The following REXO1 variants were observed in gnomAD, a reference collection of about 807,000 sequenced individuals.
The protein encoded by REXO1 is RNA exonuclease 1 homolog.
In REXO1, 42 loss-of-function variants were observed where a neutral mutation model predicts 102.6. The ratio of observed to expected loss-of-function variants is 0.41; its 90% CI spans 0.32 to 0.53. The LOEUF (loss-of-function observed/expected upper bound fraction) is 0.53, where lower values mean the gene tolerates loss of function less well. Among genes scored for constraint, REXO1 ranks in the 20% least tolerant of loss-of-function variants. The pLI is 0.27. For synonymous variants in REXO1, 908 were observed against 779.1 expected (o/e 1.17, Z -2.76); for missense variants, 1,819 against 1,732.5 (o/e 1.05, Z -0.89).
chr19:1,816,957 G>A, intron 12 of REXO1, 144 bp from the exon 13 acceptor site: 1 of 730,782 alleles, frequency 1.4e-6, no homozygotes, highest in Non-Finnish European at 2.3e-6. Flanking sequence ...GGCCGAGTGG[G>A]GTGTGACCTC....
At chr19:1,824,640 T>C (rs1336863381) in intron 3 of REXO1, 1 of 152,144 alleles carries the variant, frequency 6.6e-6, no homozygotes, top group African/African-American at 2.4e-5. Context: ...TCTGCTAAAA[T>C]TGAAGCAAAT....
chr19:1,832,566 TA>T (rs1193570910), intron 1 of REXO1, among the ~76,000 whole-genome samples: 7 of 152,130 alleles, frequency 4.6e-5, no homozygotes, highest in Non-Finnish European at 8.8e-5. Context: ...TGCCCATCTT[TA>T]AAATTACATT....
Position 1,815,541 on chromosome 19 carries a change from C to A in REXO1, c.*525G>T, listed in dbSNP as rs1238980731. ...CTGCGCTGAGTGTGGCCCTGGCCCC[C>A]ACTGGGGTCTGTCCCACCCCCACCC... is the stretch of plus-strand genomic sequence containing the variant. On this transcript the variant is annotated 3_prime_UTR_variant, in exon 16 of 16. Transcript: ENST00000170168. This position sits in a 1 kb window ranked among gnomAD's most constrained non-coding sequence, Gnocchi z 4.0. 1 of 447,102 alleles carries A rather than the reference C, an allele frequency of 2.2e-6. No homozygotes were observed. Among genetic ancestry groups the A allele is most frequent in the Non-Finnish European group, 3.4e-6 (1 of 295,366 alleles). 27.7% of individuals were successfully genotyped at this position (447,102 alleles called of 1,614,324 possible).
intron 10 of REXO1, among the ~76,000 whole-genome samples, chr19:1,818,151 G>A (rs983055614): frequency 2.0e-5 from 3 of 152,216 alleles, no homozygotes; most frequent in Non-Finnish European, 4.4e-5. Context: ...ACCAGGCCAA[G>A]GGTGGGACAA....
rs1416004314 is a variant in REXO1 at position 1,815,943 on chromosome 19, G to A, written c.*123C>T. On this transcript the variant is annotated 3_prime_UTR_variant, in exon 16 of 16. Coordinates refer to ENST00000170168, the MANE Select transcript of REXO1 (RefSeq NM_020695.4). This position sits in a 1 kb window ranked among gnomAD's most constrained non-coding sequence, Gnocchi z 4.0. ...CGTTCTCTGGCCGCCAGCTCATCCC[G>A]CTGCTCTGGGCTGCCTCGGCCAGGT... 1.1e-5 allele frequency: 17 copies of A among 1,535,082 alleles called. No homozygotes were observed. Among genetic ancestry groups the A allele is most frequent in the Non-Finnish European group, 1.5e-5 (17 of 1,146,484 alleles).
intron 1 of REXO1, among the ~76,000 whole-genome samples, chr19:1,842,078 G>T (rs192581720): frequency 1.9e-3 from 292 of 152,270 alleles, no homozygotes; most frequent in African/African-American, 4.5e-3. Flanking sequence ...AGGCGTGGTA[G>T]CAGGTGCCTG....
intron 1 of REXO1, among the ~76,000 whole-genome samples, chr19:1,845,213 G>T (rs950166991): frequency 6.6e-6 from 1 of 152,212 alleles, no homozygotes; most frequent in African/African-American, 2.4e-5. Context: ...GCCACTGGGG[G>T]GATAGTAACG....
At chr19:1,825,991 C>T (rs1454791647) in intron 2 of REXO1, 48 bp from the exon 3 acceptor site, 1 of 1,359,660 alleles carries the variant, frequency 7.4e-7, no homozygotes, top group East Asian at 2.3e-5. Flanking sequence ...TCGCTGCCAA[C>T]ACCAACACAC....
intron 1 of REXO1, chr19:1,830,855 G>C (rs1398812552): frequency 1.3e-5 from 2 of 155,980 alleles, no homozygotes; most frequent in Admixed American, 1.3e-4. Context: ...GATGCGTCTG[G>C]TGCAGCCTTC....
chr19:1,837,597 C>A (rs1016554694), intron 1 of REXO1, among the ~76,000 whole-genome samples: 2 of 152,228 alleles, frequency 1.3e-5, no homozygotes, highest in African/African-American at 2.4e-5. Flanking sequence ...CCCCACCCCC[C>A]ACACCAGACT....
chr19:1,827,418 C>T lies in REXO1; in HGVS notation c.1371G>A (p.Arg457=), dbSNP rs1447995803. 1 of 1,546,026 alleles carries T rather than the reference C, an allele frequency of 6.5e-7. No individual in the cohort carries two copies. The highest frequency in any genetic ancestry group is 8.6e-7 in the Non-Finnish European group (1 of 1,156,510). ...GKGRPDRPAR[R]PSPTSGDSRP... ...GGGAGTCCCCGCTTGTGGGGCTCGG[C>T]CGCCGCGCTGGCCGGTCAGGCCTCC... Residue 457 remains arginine, a synonymous_variant, in exon 2 of 16, where the codon CGG becomes CGA. Transcript: ENST00000170168.
intron 1 of REXO1, among the ~76,000 whole-genome samples, chr19:1,837,807 G>A (rs1019706176): frequency 5.3e-5 from 8 of 152,228 alleles, no homozygotes; most frequent in African/African-American, 1.7e-4. Context: ...GGAGCCACAC[G>A]GCAGGGTCCA....
At position 1,827,175 on chromosome 19, in the gene REXO1, C is replaced by T. The variant is rs2069755845; in HGVS notation, c.1614G>A (p.Val538=). The change falls in exon 2 of 16, where the codon GTG becomes GTA. Residue 538 remains valine, a synonymous_variant. Transcript: ENST00000170168. ...TGAGGCTGGGGAGGGCAGAGGGCCA[C>T]ACGCTCGGCACCCCTGGCCCTGCGG... ...DEAAGPGVPS[V]WPSALPSLSS... The T allele has an allele frequency of 3.9e-6, 6 of 1,541,140 alleles. No homozygotes were observed. The highest frequency in any genetic ancestry group is 5.2e-6 in the Non-Finnish European group (6 of 1,146,578).
chr19:1,817,385 GGCAGCA>G, intron 11 of REXO1, 56 bp from the exon 12 acceptor site: 1 of 1,598,782 alleles, frequency 6.3e-7, no homozygotes, highest in Non-Finnish European at 8.5e-7. Flanking sequence ...GGGCGGGGGT[GGCAGCA>G]GCAGCACATC....
At chr19:1,842,295 A>C (rs2011321649) in intron 1 of REXO1, among the ~76,000 whole-genome samples, 1 of 151,566 alleles carries the variant, frequency 6.6e-6, no homozygotes, top group Admixed American at 6.6e-5. Flanking sequence ...CCTCATCCTC[A>C]GGACTACTGC....
chr19:1,827,244 G>A lies in REXO1; in HGVS notation c.1545C>T (p.Ala515=), dbSNP rs767700675. ...CCCCAAAGAGGTCGGCGTGGCTCAGGGCCCGCTTCTTCAGCTTGGGGGCGT... is the reference window on the plus strand; with the variant it reads ...CCCCAAAGAGGTCGGCGTGGCTCAGAGCCCGCTTCTTCAGCTTGGGGGCGT... ...SQDAPKLKKR[A]LSHADLFGDE... is the part of the protein sequence containing the mutation. The change falls in exon 2 of 16, where the codon GCC becomes GCT. Residue 515 remains alanine, a synonymous_variant. Coordinates refer to ENST00000170168, the MANE Select transcript of REXO1 (RefSeq NM_020695.4). 8 of 1,553,284 alleles carry A rather than the reference G, an allele frequency of 5.2e-6. No individual in the cohort carries two copies. The highest frequency in any genetic ancestry group is 6.9e-6 in the Non-Finnish European group (8 of 1,155,336).
In REXO1 at chr19:1,818,929, G is replaced by A. The variant is rs1479516575; in HGVS notation, c.2765-86C>T. Reference sequence around the variant, plus strand: ...CCGGGAAAGGCGGCTGGGCCGGCAGGGGCCCACGAAGCACCGTGTGGCACA... The same window carrying A: ...CCGGGAAAGGCGGCTGGGCCGGCAGAGGCCCACGAAGCACCGTGTGGCACA... On this transcript the variant is annotated intron_variant, in intron 8 of 15. Transcript: ENST00000170168. 8.2e-6 allele frequency: 13 copies of A among 1,576,528 alleles called. No homozygotes were observed. In the East Asian group the frequency reaches 2.3e-4, roughly 28 times the overall value.
rs2069347892 is a variant in REXO1, at chr19:1,815,946, G to A, written c.*120C>T. The A allele has an allele frequency of 6.5e-7, 1 of 1,535,102 alleles. No individual in the cohort carries two copies. Among genetic ancestry groups the A allele is most frequent in the South Asian group, 1.2e-5 (1 of 83,870 alleles). ...TCTCTGGCCGCCAGCTCATCCCGCT[G>A]CTCTGGGCTGCCTCGGCCAGGTGGA... On this transcript the variant is annotated 3_prime_UTR_variant, in exon 16 of 16. Coordinates refer to ENST00000170168, the MANE Select transcript of REXO1 (RefSeq NM_020695.4). The surrounding 1 kb of genome is among the most constrained non-coding windows in gnomAD (Gnocchi z 4.0).
intron 10 of REXO1, 54 bp from the exon 11 acceptor site, chr19:1,817,834 C>T (rs2069416218): frequency 6.8e-7 from 1 of 1,472,232 alleles, no homozygotes; most frequent in Non-Finnish European, 9.4e-7. Context: ...CTCCACAGCC[C>T]CCGGGGCACT....
Sources: gnomAD v4.1 joint callset for allele counts (sites outside exome capture counted in the v4.1 genomes callset) on GRCh38, gnomAD v4.1.1 for gene constraint, Gnocchi (gnomAD v3.1) non-coding constraint, MANE v1.5 for transcripts, NCBI Gene and HGNC (gene_info 2026-07-23, HGNC 2026-07-21) for gene names.